The following TAB2 variants were observed in gnomAD, a reference collection of about 807,000 sequenced individuals.
The protein encoded by TAB2 is TGF-beta-activated kinase 1 and MAP3K7-binding protein 2.
A neutral mutation model predicts 65.0 loss-of-function variants in TAB2; 3 were observed. The observed-to-expected ratio is 0.05, with a 90% CI of 0.02 to 0.12. The LOEUF is 0.12. Among genes scored for constraint, TAB2 ranks in the 10% least tolerant of loss-of-function variants. The pLI, the probability that TAB2 is intolerant of heterozygous loss-of-function variation, is 1.00. For missense variants in TAB2, 623 were observed against 840.3 expected (o/e 0.74, Z 3.20); for synonymous variants, 298 against 285.1 (o/e 1.05, Z -0.46).
rs1369324134 is a variant in TAB2, at chr6:149,248,481, AAAG to A, written c.-121+29707_-121+29709del. The stretch of plus-strand genomic sequence containing the variant: ...GAAGGAAGGAAGGAAAGAAAGAAAG[AAAG>A]AGAGAGAGAGAGAGAAAGAGAGAAA... On this transcript the variant is annotated intron_variant, in intron 1 of 1. Coordinates refer to the TAB2 transcript ENST00000606202. Among the ~76,000 whole-genome samples, 5 of 132,968 alleles carry A rather than the reference AAAG, an allele frequency of 3.8e-5. No individual in the cohort carries two copies. In the South Asian group the frequency reaches 9.4e-4, roughly 25 times the overall value. The allele number at this position is 132,968 out of a possible 152,430, so 87.2% of individuals were successfully genotyped here.
intron 6 of TAB2, 98 bp from the exon 7 acceptor site, chr6:149,409,479 G>C: frequency 1.8e-6 from 2 of 1,092,514 alleles, no homozygotes; most frequent in Non-Finnish European, 2.7e-6. Context: ...GGAGCAAGCT[G>C]CATCAGGCTG....
intron 1 of TAB2, among the ~76,000 whole-genome samples, chr6:149,364,536 G>T (rs75286147): frequency 6.6e-6 from 1 of 151,954 alleles, no homozygotes; most frequent in East Asian, 1.9e-4. Context: ...TTATAAACGT[G>T]TATTTATGTG....
At chr6:149,316,656 C>A (rs1399450488), upstream of TAB2, among the ~76,000 whole-genome samples, 5 of 151,664 alleles carry the variant, frequency 3.3e-5, no homozygotes, top group Non-Finnish European at 4.4e-5. Flanking sequence ...GGACACTAAA[C>A]AAATATTTAT....
At position 149,403,353 on chromosome 6, in the gene TAB2, C is replaced by T. The variant is rs868130821; in HGVS notation, c.1939+4169C>T. Among the ~76,000 whole-genome samples, 595 of 139,072 alleles carry T rather than the reference C, an allele frequency of 4.3e-3. 16 individuals carry two copies. Among genetic ancestry groups the T allele is most frequent in the African/African-American group, 0.016 (557 of 34,926 alleles). 91.2% of individuals were successfully genotyped at this position (139,072 alleles called of 152,430 possible). A position where few individuals can be genotyped will look rare whatever the true frequency, so the allele number is the denominator to read the frequency against. On this transcript the variant is annotated intron_variant, in intron 6 of 6. Transcript: ENST00000637181. Reference sequence around the variant, plus strand: ...ATACATATATATACACACACACACACACACACACACACACACACACATACA... The same window carrying T: ...ATACATATATATACACACACACACATACACACACACACACACACACATACA...
intron 1 of TAB2, among the ~76,000 whole-genome samples, chr6:149,242,123 A>G (rs954010739): frequency 5.3e-5 from 8 of 152,194 alleles, no homozygotes; most frequent in African/African-American, 1.4e-4. Flanking sequence ...CTTCCTGCCT[A>G]TCCCACATAT....
intron 1 of TAB2, among the ~76,000 whole-genome samples, chr6:149,271,524 C>G (rs1483868612): frequency 6.6e-6 from 1 of 152,166 alleles, no homozygotes; most frequent in Non-Finnish European, 1.5e-5. Flanking sequence ...AAAGAGAAGG[C>G]AGAGCACAAG....
chr6:149,220,692 A>G (rs1777124519), intron 1 of TAB2: 1 of 152,078 alleles, frequency 6.6e-6, no homozygotes, highest in Non-Finnish European at 1.5e-5. Context: ...ATCTTGGTTC[A>G]CTATAACTCT....
intron 1 of TAB2, among the ~76,000 whole-genome samples, chr6:149,302,360 G>A (rs1430401986): frequency 6.6e-6 from 1 of 152,018 alleles, no homozygotes; most frequent in African/African-American, 2.4e-5. Context: ...AAATATCTAT[G>A]TATATTTTTG....
intron 6 of TAB2, among the ~76,000 whole-genome samples, chr6:149,405,564 G>A (rs1782635248): frequency 6.6e-6 from 1 of 152,208 alleles, no homozygotes; most frequent in Non-Finnish European, 1.5e-5. Context: ...ATATTACTCA[G>A]CCTTAAGAAA....
chr6:149,240,752 C>A (rs6937702), intron 1 of TAB2, among the ~76,000 whole-genome samples: 48,767 of 151,954 alleles, frequency 0.32, 7,902 homozygotes, highest in Admixed American at 0.4. Flanking sequence ...TTTGGGCTAA[C>A]ATAAAGTCAA....
chr6:149,403,247 A>AAAAT (rs1554265371), intron 6 of TAB2, among the ~76,000 whole-genome samples: 23 of 44,034 alleles, frequency 5.2e-4, no homozygotes, highest in Non-Finnish European at 7.2e-4. Flanking sequence ...AAAAAAAAAA[A>AAAAT]ATATATATAT....
intron 1 of TAB2, among the ~76,000 whole-genome samples, chr6:149,343,653 AG>A (rs1780201129): frequency 6.6e-6 from 1 of 152,198 alleles, no homozygotes; most frequent in Admixed American, 6.5e-5. Context: ...AAACCAGCCA[AG>A]GAAGTTACAA....
In TAB2 at chr6:149,400,559, G is replaced by A. The variant is rs777570170; in HGVS notation, c.1939+1375G>A. The A allele has an allele frequency of 1.3e-5, 21 of 1,614,228 alleles. No individual in the cohort carries two copies. Among genetic ancestry groups the A allele is most frequent in the Non-Finnish European group, 9.3e-6 (11 of 1,180,044 alleles). On this transcript the variant is annotated intron_variant, in intron 6 of 6. Coordinates refer to ENST00000637181, the MANE Select transcript of TAB2 (RefSeq NM_001292034.3). ...GTGAACCACGGGGATTGTCAGTGAA[G>A]CAGATCAGATTCCGATTTGGTGGGC...
intron 1 of TAB2, among the ~76,000 whole-genome samples, chr6:149,326,267 A>T (rs1358547718): frequency 2.9e-5 from 2 of 69,004 alleles, no homozygotes; most frequent in African/African-American, 1.1e-4. Context: ...GCAAGACCCC[A>T]TCTCAAAAAA....
chr6:149,304,381 C>G (rs1220118636), intron 1 of TAB2: 1 of 153,320 alleles, frequency 6.5e-6, no homozygotes, highest in African/African-American at 2.4e-5. Flanking sequence ...CTGATGGTCA[C>G]CATGGGTTTT....
At chr6:149,366,053 T>C (rs1244452911) in intron 1 of TAB2, among the ~76,000 whole-genome samples, 3 of 152,234 alleles carry the variant, frequency 2.0e-5, no homozygotes, top group East Asian at 1.9e-4. Flanking sequence ...AAAATACTTA[T>C]GTGCTAATTC....
intron 1 of TAB2, among the ~76,000 whole-genome samples, chr6:149,241,442 G>A (rs6900499): frequency 0.33 from 49,988 of 152,072 alleles, 8,252 homozygotes; most frequent in Admixed American, 0.4. Flanking sequence ...ATAAATTGTT[G>A]TATTTGTTTC....
intron 3 of TAB2, among the ~76,000 whole-genome samples, chr6:149,388,987 GCT>G (rs1278143946): frequency 7.9e-6 from 1 of 126,018 alleles, no homozygotes; most frequent in East Asian, 2.2e-4. Flanking sequence ...ATCGAGTCTT[GCT>G]CTGTCACCCA....
chr6:149,383,374 C>T (rs950557092), intron 3 of TAB2, among the ~76,000 whole-genome samples: 1 of 152,180 alleles, frequency 6.6e-6, no homozygotes, highest in African/African-American at 2.4e-5. Context: ...CTTCGGACAG[C>T]TCTAACAACC....
Sources: allele counts gnomAD v4.1 joint callset (sites outside exome capture counted in the v4.1 genomes callset), GRCh38; gene constraint gnomAD v4.1.1; transcripts MANE v1.5; gene names NCBI Gene and HGNC (gene_info 2026-07-23, HGNC 2026-07-21).